The following PPARGC1A variants were observed in gnomAD, a reference collection of about 807,000 sequenced individuals.
PPARGC1A encodes peroxisome proliferator-activated receptor gamma coactivator 1-alpha.
A neutral mutation model predicts 88.7 loss-of-function variants in PPARGC1A; 25 were observed. That is an observed-to-expected ratio of 0.28 (90% CI 0.21 to 0.39). The LOEUF (loss-of-function observed/expected upper bound fraction) is 0.39, where lower values mean the gene tolerates loss of function less well. PPARGC1A is among the 10% of genes least tolerant of loss of function. The pLI is 1.00. For synonymous variants in PPARGC1A, 363 were observed against 355.6 expected (o/e 1.02, Z -0.24); for missense variants, 880 against 968.7 (o/e 0.91, Z 1.22).
At chr4:24,285,420 G>A in the PPARGC1A span, among the ~76,000 whole-genome samples, 3 of 152,106 alleles carry the variant, frequency 2.0e-5, no homozygotes, top group Non-Finnish European at 2.9e-5. Flanking sequence ...AGGGTGAAAG[G>A]GGGCTGTAAA....
chr4:23,828,539 G>A lies in PPARGC1A; in HGVS notation c.618C>T (p.Pro206=). Residue 206 remains proline, a synonymous_variant, in exon 5 of 13, where the codon CCC becomes CCT. Coordinates refer to ENST00000264867, the MANE Select transcript of PPARGC1A (RefSeq NM_013261.5). The part of the protein sequence containing the change: ...ICQQQKPQRR[P]CSELLKYLTT... Reference sequence around the variant, plus strand: ...TCAGATATTTGAGAAGCTCCGAGCAGGGACGTCTTTGTGGCTTTTGCTGTT... The same window carrying A: ...TCAGATATTTGAGAAGCTCCGAGCAAGGACGTCTTTGTGGCTTTTGCTGTT... The A allele has an allele frequency of 6.2e-7, 1 of 1,614,140 alleles. No homozygotes were observed. The highest frequency in any genetic ancestry group is 8.5e-7 in the Non-Finnish European group (1 of 1,180,012).
chr4:24,068,330 A>G, the PPARGC1A span, among the ~76,000 whole-genome samples: 7 of 152,172 alleles, frequency 4.6e-5, no homozygotes, highest in Non-Finnish European at 1.0e-4. Flanking sequence ...TGTCAGAGAG[A>G]ACAGTATCTG....
the PPARGC1A span, among the ~76,000 whole-genome samples, chr4:24,258,970 C>T: frequency 6.6e-6 from 1 of 152,284 alleles, no homozygotes; most frequent in East Asian, 1.9e-4. Flanking sequence ...GTCCTACCAT[C>T]AAGAAACTTA....
the PPARGC1A span, among the ~76,000 whole-genome samples, chr4:24,322,057 C>T: frequency 4.6e-5 from 7 of 152,152 alleles, no homozygotes; most frequent in Admixed American, 3.9e-4. Flanking sequence ...AACATAGCTT[C>T]CCCAAGAAGG....
chr4:24,046,766 T>A, the PPARGC1A span, among the ~76,000 whole-genome samples: 2 of 152,154 alleles, frequency 1.3e-5, no homozygotes, highest in East Asian at 3.9e-4. Flanking sequence ...ATCTGAACGA[T>A]AATGACACGC....
chr4:23,925,787 A>C, the PPARGC1A span, among the ~76,000 whole-genome samples: 64 of 152,288 alleles, frequency 4.2e-4, no homozygotes, highest in African/African-American at 1.4e-3. Context: ...AAAGGGGAAA[A>C]AATCAGTTTA....
At chr4:23,812,005 C>T (rs1323843657) in intron 10 of PPARGC1A, among the ~76,000 whole-genome samples, 1 of 139,908 alleles carries the variant, frequency 7.1e-6, no homozygotes, top group Non-Finnish European at 1.5e-5. Flanking sequence ...GCAACCTCCA[C>T]CTCCCTGGTT....
chr4:23,917,160 G>A, the PPARGC1A span, among the ~76,000 whole-genome samples: 1 of 152,166 alleles, frequency 6.6e-6, no homozygotes, highest in Non-Finnish European at 1.5e-5. Context: ...TAGTCATTAT[G>A]AAGCAATTGG....
At chr4:23,868,769 A>T (rs1403305551) in intron 2 of PPARGC1A, among the ~76,000 whole-genome samples, 2 of 152,252 alleles carry the variant, frequency 1.3e-5, no homozygotes, top group Non-Finnish European at 2.9e-5. Context: ...GGCTTAATGT[A>T]AACACAGACC....
At chr4:24,245,725 T>C in the PPARGC1A span, among the ~76,000 whole-genome samples, 1 of 152,200 alleles carries the variant, frequency 6.6e-6, no homozygotes, top group Non-Finnish European at 1.5e-5. Context: ...AAAATACAGC[T>C]GCTAGACAAT....
chr4:24,066,855 T>TG, the PPARGC1A span, among the ~76,000 whole-genome samples: 4 of 83,534 alleles, frequency 4.8e-5, no homozygotes, highest in Non-Finnish European at 7.8e-5. Flanking sequence ...TTGGGTTTTT[T>TG]TTTTTTTTTT....
At chr4:24,173,723 T>A in the PPARGC1A span, among the ~76,000 whole-genome samples, 1 of 152,344 alleles carries the variant, frequency 6.6e-6, no homozygotes, top group Middle Eastern at 3.4e-3. Context: ...AGCAGCTCAG[T>A]AATCTTGAGC....
At chr4:24,157,904 A>C in the PPARGC1A span, among the ~76,000 whole-genome samples, 3,874 of 152,100 alleles carry the variant, frequency 0.025, 158 homozygotes, top group African/African-American at 0.088. Flanking sequence ...TAAAAAAGCA[A>C]ATTAGATATC....
At chr4:23,845,878 TGC>T (rs1323069990) in intron 2 of PPARGC1A, among the ~76,000 whole-genome samples, 8 of 152,204 alleles carry the variant, frequency 5.3e-5, no homozygotes, top group African/African-American at 1.4e-4. Context: ...CTTCTTTTAA[TGC>T]CAGACTGAGT....
At chr4:24,359,399 G>A in the PPARGC1A span, among the ~76,000 whole-genome samples, 2 of 152,116 alleles carry the variant, frequency 1.3e-5, no homozygotes, top group South Asian at 4.1e-4. Flanking sequence ...CTTTATCCCG[G>A]TCTCTACCCT....
In PPARGC1A at chr4:23,794,541, T is replaced by C. The variant is rs1367058765; in HGVS notation, c.*1281A>G. 6.6e-6 allele frequency: 1 copy of C among 152,526 alleles called. No individual in the cohort carries two copies. Among genetic ancestry groups the C allele is most frequent in the African/African-American group, 2.4e-5 (1 of 41,438 alleles). The allele number at this position is 152,526 out of a possible 1,614,324, so 9.4% of individuals were successfully genotyped here. A position where few individuals can be genotyped will look rare whatever the true frequency, so the allele number is the denominator to read the frequency against. ...GTCTTTTTGTTTTTACAATCAAATA[T>C]ATATAAGCAGTAAGTTCAGCTTCTA... On this transcript the variant is annotated 3_prime_UTR_variant, in exon 13 of 13. Coordinates refer to ENST00000264867, the MANE Select transcript of PPARGC1A (RefSeq NM_013261.5).
the PPARGC1A span, among the ~76,000 whole-genome samples, chr4:24,378,982 T>A: frequency 6.6e-6 from 1 of 152,216 alleles, no homozygotes; most frequent in Non-Finnish European, 1.5e-5. Flanking sequence ...AATCTGCTTT[T>A]GATGCAATTT....
At chr4:23,962,028 C>T in the PPARGC1A span, among the ~76,000 whole-genome samples, 1 of 152,088 alleles carries the variant, frequency 6.6e-6, no homozygotes, top group African/African-American at 2.4e-5. Context: ...ACCCTCTGGC[C>T]AGTACGAAAA....
chr4:24,409,249 T>C, the PPARGC1A span, among the ~76,000 whole-genome samples: 1 of 152,256 alleles, frequency 6.6e-6, no homozygotes, highest in Non-Finnish European at 1.5e-5. Context: ...TATTTTAATG[T>C]GCAGAATTGG....
Sources: gnomAD v4.1 joint callset for allele counts (sites outside exome capture counted in the v4.1 genomes callset) on GRCh38, gnomAD v4.1.1 for gene constraint, MANE v1.5 for transcripts, NCBI Gene and HGNC (gene_info 2026-07-23, HGNC 2026-07-21) for gene names.